The following RNF207 variants were observed in gnomAD, a reference collection of about 807,000 sequenced individuals.
RNF207 encodes OTTHUMG00000001089.
RNF207 carries 72 observed loss-of-function variants against 79.0 expected under a neutral mutation model. The ratio of observed to expected loss-of-function variants is 0.91; its 90% CI spans 0.75 to 1.11. The LOEUF (loss-of-function observed/expected upper bound fraction) is 1.11, where lower values mean the gene tolerates loss of function less well. Among genes scored for constraint, RNF207 ranks in the 50% least tolerant of loss-of-function variants. The pLI, the probability that RNF207 is intolerant of heterozygous loss-of-function variation, is 0.00. For synonymous variants in RNF207, 348 were observed against 366.2 expected (o/e 0.95, Z 0.57); for missense variants, 936 against 855.8 (o/e 1.09, Z -1.17).
In RNF207 at chr1:6,208,989, C is replaced by A. The variant is rs1418121615; in HGVS notation, c.433C>A (p.Leu145Met). 1 of 1,476,002 alleles carries A rather than the reference C, an allele frequency of 6.8e-7. No individual in the cohort carries two copies. Among genetic ancestry groups the A allele is most frequent in the African/African-American group, 1.5e-5 (1 of 68,556 alleles). 91.4% of individuals were successfully genotyped at this position (1,476,002 alleles called of 1,614,324 possible). The change falls in exon 4 of 18, where the codon CTG becomes ATG. Residue 145 changes from leucine to methionine, a missense_variant. Leu to Met is a conservative substitution (Grantham distance 15). Transcript: ENST00000377939. ...RMFARHDIVALGQRSRDVPQK... is the reference protein window; with the variant it reads ...RMFARHDIVAMGQRSRDVPQK... ...GTTCGCGCGCCACGACATCGTGGCC[C>A]TGGGTCAGCGAAGCCGCGACGTGCC... is the stretch of plus-strand genomic sequence containing the variant.
intron 16 of RNF207, among the ~76,000 whole-genome samples, chr1:6,215,305 G>A (rs550148183): frequency 1.6e-4 from 25 of 151,984 alleles, no homozygotes; most frequent in East Asian, 3.9e-4. Context: ...TGGGATTACA[G>A]GCGTGAGCCA....
intron 17 of RNF207, 76 bp downstream of exon 17, chr1:6,218,445 C>T (rs1668438049): frequency 8.8e-7 from 1 of 1,141,846 alleles, no homozygotes; most frequent in Non-Finnish European, 1.3e-6. Context: ...AAGGAAACTC[C>T]AGGCTTTTCC....
rs1350186093 is a variant in RNF207, at chr1:6,218,289, G to A, written c.1653G>A (p.Arg551=). 1.9e-6 allele frequency: 3 copies of A among 1,613,168 alleles called. No individual in the cohort carries two copies. The highest frequency in any genetic ancestry group is 2.5e-6 in the Non-Finnish European group (3 of 1,179,118). The change falls in exon 17 of 18, where the codon AGG becomes AGA. Residue 551 remains arginine (R), a splice_region_variant and synonymous_variant. Coordinates refer to ENST00000377939, the MANE Select transcript of RNF207 (RefSeq NM_207396.3). ...IAKVKERLEP[R]FQAPVDEQSE... The stretch of plus-strand genomic sequence containing the variant: ...ATTCTGGTGCCCACTCCCTTGCCAG[G>A]TTTCAGGCACCCGTGGATGAGCAGT...
chr1:6,213,221 C>G (rs963711451), intron 16 of RNF207, 38 bp downstream of exon 16: 1 of 1,352,592 alleles, frequency 7.4e-7, no homozygotes, highest in African/African-American at 1.4e-5. Context: ...CACTGAGACT[C>G]TTCAGAATGT....
intron 17 of RNF207, among the ~76,000 whole-genome samples, chr1:6,218,643 G>A (rs1490906143): frequency 6.6e-6 from 1 of 152,124 alleles, no homozygotes; most frequent in Non-Finnish European, 1.5e-5. Context: ...TTCACCACTG[G>A]GAGCTGCACG....
Position 6,210,902 on chromosome 1 carries a change from G to A in RNF207, c.975G>A (p.Thr325=), listed in dbSNP as rs776199469. ...TGGAGAGGCTGCAGGGCATCGTCACGCGGCCGCACCACCTAAGGCCTATTC... is the reference window on the plus strand; with the variant it reads ...TGGAGAGGCTGCAGGGCATCGTCACACGGCCGCACCACCTAAGGCCTATTC... ...ELMERLQGIV[T]RPHHLRPIQS... is the part of the protein sequence containing the mutation. Residue 325 remains threonine, a synonymous_variant, in exon 11 of 18, where the codon ACG becomes ACA. Coordinates refer to ENST00000377939, the MANE Select transcript of RNF207 (RefSeq NM_207396.3). 20 of 1,605,730 alleles carry A rather than the reference G, an allele frequency of 1.2e-5. No homozygotes were observed. In the East Asian group the frequency reaches 1.6e-4, roughly 13 times the overall value.
chr1:6,212,217 G>A lies in RNF207; in HGVS notation c.1297-14G>A. The A allele has an allele frequency of 6.2e-7, 1 of 1,607,384 alleles. No homozygotes were observed. The highest frequency in any genetic ancestry group is 8.5e-7 in the Non-Finnish European group (1 of 1,177,028). On this transcript the variant is annotated splice_polypyrimidine_tract_variant and intron_variant, in intron 13 of 17. Transcript: ENST00000377939. ...CTAGGGTGACCCACGCTCTCACACA[G>A]CCTCTCTGTGCAGCACCTGCAGGCA...
intron 2 of RNF207, 60 bp downstream of exon 2, chr1:6,206,786 C>T (rs1667923926): frequency 6.8e-7 from 1 of 1,469,922 alleles, no homozygotes; most frequent in African/African-American, 1.4e-5. Flanking sequence ...CCAAGGTTGG[C>T]TCTGCCCGAG....
chr1:6,210,370 G>A lies in RNF207; in HGVS notation c.874G>A (p.Val292Ile), dbSNP rs976051694. The A allele has an allele frequency of 6.2e-7, 1 of 1,613,680 alleles. No individual in the cohort carries two copies. The highest frequency in any genetic ancestry group is 1.3e-5 in the African/African-American group (1 of 74,988). Residue 292 changes from valine to isoleucine, a missense_variant and splice_region_variant, in exon 10 of 18, where the codon GTC becomes ATC. Transcript: ENST00000377939. Reference protein sequence around the residue: ...HLATLLPTLQVHLVICSSFLS... With the variant: ...HLATLLPTLQIHLVICSSFLS... ...CACTGAGCAGCATCCCCTCCCCCAG[G>A]TCCACCTGGTCATCTGCTCCTCCTT...
intron 1 of RNF207, 110 bp from the exon 2 acceptor site, chr1:6,206,426 G>C: frequency 1.3e-6 from 1 of 750,486 alleles, no homozygotes. Flanking sequence ...TGGACGCCCA[G>C]TCGGGTCCAG....
At chr1:6,212,650 G>A (rs1668222688) in intron 14 of RNF207, 32 bp from the exon 15 acceptor site, 3 of 1,599,468 alleles carry the variant, frequency 1.9e-6, no homozygotes, top group Non-Finnish European at 2.6e-6. Flanking sequence ...TCAGCTCACT[G>A]CCACATCCAA....
rs1224562999 is a variant in RNF207 at position 6,220,248 on chromosome 1, G to A, written c.*841G>A. 1 of 152,228 alleles carries A rather than the reference G, an allele frequency of 6.6e-6. No individual in the cohort carries two copies. Among genetic ancestry groups the A allele is most frequent in the African/African-American group, 2.4e-5 (1 of 41,466 alleles). 9.4% of individuals were successfully genotyped at this position (152,228 alleles called of 1,614,324 possible). On this transcript the variant is annotated 3_prime_UTR_variant, in exon 18 of 18. Transcript: ENST00000377939. Reference sequence around the variant, plus strand: ...CGTCCTTGTCACAGTAGCTTGGGATGACTCCCAGTCCACATGGAAAACATC... The same window carrying A: ...CGTCCTTGTCACAGTAGCTTGGGATAACTCCCAGTCCACATGGAAAACATC...
chr1:6,213,333 C>T, intron 16 of RNF207, 150 bp downstream of exon 16: 1 of 542,628 alleles, frequency 1.8e-6, no homozygotes, highest in East Asian at 3.3e-5. Context: ...CCAGCCTGGC[C>T]AACATGGTGG....
chr1:6,210,978 C>T, intron 11 of RNF207, 40 bp downstream of exon 11: 1 of 1,598,672 alleles, frequency 6.3e-7, no homozygotes, highest in Non-Finnish European at 8.5e-7. Flanking sequence ...GGGGGCCCTG[C>T]AGGGCAGTGG....
chr1:6,210,167 G>A, intron 8 of RNF207, 56 bp from the exon 9 acceptor site: 4 of 1,495,522 alleles, frequency 2.7e-6, no homozygotes, highest in Non-Finnish European at 1.8e-6. Context: ...GTGGGGGATG[G>A]AACTGCCCGG....
In RNF207 at chr1:6,219,595, C is replaced by T. The variant is rs889100647; in HGVS notation, c.*188C>T. ...GCAACCTCTGCCTCCTGGGTTCAAG[C>T]GATTCTCCTGCCTCAGCCTCCCGAG... On this transcript the variant is annotated 3_prime_UTR_variant, in exon 18 of 18. Transcript: ENST00000377939. 6 of 358,370 alleles carry T rather than the reference C, an allele frequency of 1.7e-5. No homozygotes were observed. Among genetic ancestry groups the T allele is most frequent in the Non-Finnish European group, 2.6e-5 (5 of 193,408 alleles). 22.2% of individuals were successfully genotyped at this position (358,370 alleles called of 1,614,324 possible).
rs931525516 is a variant in RNF207 at position 6,209,145 on chromosome 1, C to T, written c.500C>T (p.Ser167Phe). ...CACGCAGAGCCCTACCTCTTGTTCT[C>T]CACCGACAAGAAGTTGCTGTTGTGC... ...TLHAEPYLLF[S>F]TDKKLLLCIR... The change falls in exon 5 of 18, where the codon TCC (serine) becomes TTC (phenylalanine). Residue 167 changes from serine (S) to phenylalanine (F), a missense_variant. By Grantham distance (155) the Ser-to-Phe change is radical. Transcript: ENST00000377939. The T allele has an allele frequency of 4.5e-6, 7 of 1,558,020 alleles. No individual in the cohort carries two copies. The highest frequency in any genetic ancestry group is 1.9e-5 in the Admixed American group (1 of 52,416).
chr1:6,207,553 C>T lies in RNF207; in HGVS notation c.324+42C>T, dbSNP rs546718112. On this transcript the variant is annotated intron_variant, in intron 3 of 17. Transcript: ENST00000377939. This position sits in a 1 kb window ranked among gnomAD's most constrained non-coding sequence, Gnocchi z 4.5. ...GGGTGGGTGAGGAGCAGAGGGTACC[C>T]GGTTGCACAGTCCCCAATGCTTGCA... 3 of 1,564,812 alleles carry T rather than the reference C, an allele frequency of 1.9e-6. No individual in the cohort carries two copies. The highest frequency in any genetic ancestry group is 3.8e-5 in the Admixed American group (2 of 53,224).
At chr1:6,209,066 C>T in intron 4 of RNF207, 41 bp downstream of exon 4, 1 of 644,488 alleles carries the variant, frequency 1.6e-6, no homozygotes. Context: ...GGGGTGGGGG[C>T]GGGGCGGGCA....
Sources: allele counts gnomAD v4.1 joint callset (sites outside exome capture counted in the v4.1 genomes callset), GRCh38; gene constraint gnomAD v4.1.1; non-coding constraint Gnocchi (gnomAD v3.1); transcripts MANE v1.5; gene names NCBI Gene and HGNC (gene_info 2026-07-23, HGNC 2026-07-21).